Variants in ABHD5 observed in about 807,000 individuals in gnomAD.
ABHD5 encodes 1-acylglycerol-3-phosphate O-acyltransferase ABHD5.
ABHD5 carries 30 observed loss-of-function variants against 44.9 expected under a neutral mutation model. The observed-to-expected ratio is 0.67, with a 90% CI of 0.50 to 0.91. The LOEUF (loss-of-function observed/expected upper bound fraction) is 0.91, where lower values mean the gene tolerates loss of function less well. Among genes scored for constraint, ABHD5 ranks in the 40% least tolerant of loss-of-function variants. The pLI is 0.00. For missense variants in ABHD5, 399 were observed against 423.4 expected, an observed-to-expected ratio of 0.94 and a Z score of 0.50; for synonymous variants, 167 against 147.0, an observed-to-expected ratio of 1.14 and a Z score of -0.99.
Position 43,691,042 on chromosome 3 carries a change from A to G in ABHD5, c.47+3A>G. On this transcript the variant is annotated splice_donor_region_variant and intron_variant, in intron 1 of 6. Coordinates refer to ENST00000644371, the MANE Select transcript of ABHD5 (RefSeq NM_016006.6). Reference sequence around the variant, plus strand: ...GACTCTGCCGACACCGGAGAGAGGTAAGCGCAGCCGGCAGGGGGCTTCGTG... The same window carrying G: ...GACTCTGCCGACACCGGAGAGAGGTGAGCGCAGCCGGCAGGGGGCTTCGTG... 1.3e-6 allele frequency: 2 copies of G among 1,553,404 alleles called. No homozygotes were observed. The highest frequency in any genetic ancestry group is 1.7e-6 in the Non-Finnish European group (2 of 1,151,782).
intron 1 of ABHD5, 129 bp downstream of exon 1, chr3:43,691,168 C>T (rs2084370506): frequency 1.1e-6 from 1 of 946,288 alleles, no homozygotes; most frequent in Non-Finnish European, 1.4e-6. Flanking sequence ...TTCCTCGACC[C>T]TCCCCGGCAT....
rs147336344 is a variant in ABHD5, at chr3:43,706,969, A to G, written c.506+4382A>G. Among the ~76,000 whole-genome samples, 24 of 152,294 alleles carry G rather than the reference A, an allele frequency of 1.6e-4. No individual in the cohort carries two copies. In the East Asian group the frequency reaches 3.5e-3, roughly 22 times the overall value. ...CCATTCTTCCATTCGTTACTTTTAT[A>G]GGACAGTTTGAAGAGAAGAATGAAA... On this transcript the variant is annotated intron_variant, in intron 3 of 6. Transcript: ENST00000644371.
At chr3:43,717,141 C>T (rs2084773336) in intron 5 of ABHD5, among the ~76,000 whole-genome samples, 1 of 151,394 alleles carries the variant, frequency 6.6e-6, no homozygotes. Context: ...TGCAGCTGCA[C>T]TCCAGCCTAG....
At chr3:43,718,281 A>T (rs2084793125) in intron 6 of ABHD5, among the ~76,000 whole-genome samples, 162 bp from the exon 7 acceptor site, 1 of 152,210 alleles carries the variant, frequency 6.6e-6, no homozygotes, top group African/African-American at 2.4e-5. Context: ...CTTTTAATGG[A>T]TATACTTAAT....
downstream of ABHD5, among the ~76,000 whole-genome samples, chr3:43,726,583 C>T (rs1164553769): frequency 1.3e-5 from 2 of 152,192 alleles, no homozygotes; most frequent in Admixed American, 1.3e-4. Flanking sequence ...TTGTGATGCA[C>T]AATGACCTCT....
intron 7 of ABHD5, among the ~76,000 whole-genome samples, chr3:43,728,339 T>G (rs2084891271): frequency 6.6e-6 from 1 of 152,222 alleles, no homozygotes; most frequent in African/African-American, 2.4e-5. Flanking sequence ...CTGCATCACT[T>G]AAAACGCCAG....
intron 1 of ABHD5, among the ~76,000 whole-genome samples, chr3:43,696,801 T>C (rs2084478982): frequency 6.6e-6 from 1 of 152,214 alleles, no homozygotes; most frequent in African/African-American, 2.4e-5. Context: ...AGAAGCATTA[T>C]CAGGGCTTAG....
At chr3:43,725,750 G>A (rs917271250), downstream of ABHD5, among the ~76,000 whole-genome samples, 11 of 152,304 alleles carry the variant, frequency 7.2e-5, no homozygotes, top group Middle Eastern at 3.4e-3. Context: ...TGAACAACTG[G>A]CCTGTCTCCT....
intron 7 of ABHD5, among the ~76,000 whole-genome samples, chr3:43,731,588 T>A (rs996953240): frequency 1.3e-5 from 2 of 152,204 alleles, no homozygotes; most frequent in African/African-American, 4.8e-5. Flanking sequence ...TCCCAGCAGT[T>A]TGGGAGGCCA....
chr3:43,717,600 A>T, intron 5 of ABHD5, 71 bp from the exon 6 acceptor site: 1 of 1,496,194 alleles, frequency 6.7e-7, no homozygotes, highest in Non-Finnish European at 9.3e-7. Flanking sequence ...ATGTGTTTTG[A>T]TAGAAGTGAC....
Position 43,691,041 on chromosome 3 carries a change from T to C in ABHD5, c.47+2T>C. 1.3e-6 allele frequency: 2 copies of C among 1,551,648 alleles called. No homozygotes were observed. Among genetic ancestry groups the C allele is most frequent in the Admixed American group, 1.9e-5 (1 of 52,970 alleles). On this transcript the variant is annotated splice_donor_variant, in intron 1 of 6. Transcript: ENST00000644371. LOFTEE classifies it high-confidence loss of function. ...GGACTCTGCCGACACCGGAGAGAGG[T>C]AAGCGCAGCCGGCAGGGGGCTTCGT...
chr3:43,693,507 C>T (rs9311342), intron 1 of ABHD5, among the ~76,000 whole-genome samples: 3,290 of 152,226 alleles, frequency 0.022, 134 homozygotes, highest in African/African-American at 0.075. Context: ...TTTCTCTCTG[C>T]TGCCTTCTCT....
intron 2 of ABHD5, among the ~76,000 whole-genome samples, chr3:43,701,521 T>A (rs2084541999): frequency 6.6e-6 from 1 of 152,212 alleles, no homozygotes; most frequent in South Asian, 2.1e-4. Context: ...TGGGAGTGTT[T>A]AAAGTATTTA....
chr3:43,706,242 C>G (rs1220482210), intron 3 of ABHD5, among the ~76,000 whole-genome samples: 1 of 152,156 alleles, frequency 6.6e-6, no homozygotes, highest in African/African-American at 2.4e-5. Context: ...GAACTACATA[C>G]TCGTGCTCAT....
At chr3:43,706,234 A>G (rs1228382425) in intron 3 of ABHD5, among the ~76,000 whole-genome samples, 1 of 152,182 alleles carries the variant, frequency 6.6e-6, no homozygotes, top group Non-Finnish European at 1.5e-5. Context: ...CAGGTACTGA[A>G]CTACATACTC....
chr3:43,717,683 T>C lies in ABHD5; in HGVS notation c.786T>C (p.Ala262=), dbSNP rs377553984. The C allele has an allele frequency of 6.2e-7, 1 of 1,614,212 alleles. No individual in the cohort carries two copies. The highest frequency in any genetic ancestry group is 8.5e-7 in the Non-Finnish European group (1 of 1,180,038). ...CNVQTPSGET[A]FKNMTIPYGW... is the part of the protein sequence containing the mutation. ...CTTGCCGTTAAAGTGGTGAGACAGC[T>C]TTCAAGAATATGACTATTCCTTATG... The change falls in exon 6 of 7, where the codon GCT becomes GCC. Residue 262 remains alanine (A), a synonymous_variant. Coordinates refer to ENST00000644371, the MANE Select transcript of ABHD5 (RefSeq NM_016006.6).
intron 4 of ABHD5, among the ~76,000 whole-genome samples, chr3:43,712,256 A>G (rs1366954187): frequency 1.3e-5 from 2 of 152,294 alleles, no homozygotes; most frequent in East Asian, 1.9e-4. Flanking sequence ...CGTTTGGCCA[A>G]TTGATGATAC....
At chr3:43,700,740 A>ATTTTTTTTTTTTTTTT (rs1361660825) in intron 2 of ABHD5, among the ~76,000 whole-genome samples, 22 of 151,218 alleles carry the variant, frequency 1.5e-4, no homozygotes, top group South Asian at 8.5e-4. Context: ...TACCCAGCTA[A>ATTTTTTTTTTTTTTTT]TTTTTGTATT....
chr3:43,725,868 G>GT (rs955936282), downstream of ABHD5, among the ~76,000 whole-genome samples: 13 of 148,920 alleles, frequency 8.7e-5, no homozygotes, highest in East Asian at 3.9e-4. Flanking sequence ...TTGTTTTTTT[G>GT]TTTTTTTGGT....
Sources: gnomAD v4.1 joint callset for allele counts (sites outside exome capture counted in the v4.1 genomes callset) on GRCh38, gnomAD v4.1.1 for gene constraint, MANE v1.5 for transcripts, NCBI Gene and HGNC (gene_info 2026-07-23, HGNC 2026-07-21) for gene names.